The following MID2 variants were observed in gnomAD, a reference collection of about 807,000 sequenced individuals.
The protein encoded by MID2 is midline 2.
Under a neutral mutation model 46.1 loss-of-function variants are expected in MID2, and 13 were observed. The ratio of observed to expected loss-of-function variants is 0.28; its 90% confidence interval spans 0.18 to 0.45. The LOEUF (loss-of-function observed/expected upper bound fraction) is 0.45. MID2 is among the 20% of genes least tolerant of loss of function. The pLI, the probability that MID2 is intolerant of heterozygous loss-of-function variation, is 1.00. For missense variants in MID2, 431 were observed against 575.4 expected (o/e 0.75, Z 2.57); for synonymous variants, 199 against 212.3 (o/e 0.94, Z 0.55).
At chrX:107,839,636 C>G (rs1472267229) in intron 1 of MID2, among the ~76,000 whole-genome samples, 1 of 112,045 alleles carries the variant, frequency 8.9e-6, no homozygotes, top group Non-Finnish European at 1.9e-5. Flanking sequence ...TCCCAAAGTG[C>G]TGGGATTACA....
Position 107,885,892 on chromosome X carries a change from A to AT in MID2, c.817-18065dup, listed in dbSNP as rs1443536821. 7.2e-5 allele frequency among the ~76,000 whole-genome samples: 8 copies of AT among 111,715 alleles called. No homozygotes were observed. In the Admixed American group the frequency reaches 7.5e-4, roughly 11 times the overall value. On this transcript the variant is annotated intron_variant, in intron 3 of 9. Coordinates refer to ENST00000262843, the MANE Select transcript of MID2 (RefSeq NM_012216.4). ...GGCCAGTGATGATGAGCATTTTTTC[A>AT]TGTGTCTTTTGGCTGCATAAATGTC...
At chrX:107,842,882 G>A (rs1931380267) in intron 2 of MID2, among the ~76,000 whole-genome samples, 1 of 111,643 alleles carries the variant, frequency 9.0e-6, no homozygotes, top group East Asian at 2.8e-4. Context: ...GAAGTGACTT[G>A]GTCAAAATCA....
chrX:107,826,373 G>C lies in MID2; in HGVS notation c.-54G>C, dbSNP rs1282900113. On this transcript the variant is annotated 5_prime_UTR_variant, in exon 1 of 10. Coordinates refer to ENST00000262843, the MANE Select transcript of MID2 (RefSeq NM_012216.4). ...GAGCCAACCCGCTGCGGAGGCAGAC[G>C]AGAGCCCAGCGCCCTCGAGCGAGCG... The C allele has an allele frequency of 1.8e-5, 20 of 1,121,856 alleles. No homozygotes were observed. Among genetic ancestry groups the C allele is most frequent in the Non-Finnish European group, 2.1e-5 (18 of 851,570 alleles). The allele number at this position is 1,121,856 out of a possible 1,213,427, so 92.5% of individuals were successfully genotyped here.
intron 5 of MID2, 130 bp from the exon 6 acceptor site, chrX:107,915,872 T>C (rs1286321674): frequency 1.7e-6 from 1 of 589,740 alleles, no homozygotes. Flanking sequence ...AAGGCAGAGA[T>C]ATGATATTTT....
chrX:107,931,351 G>A lies in MID2; in HGVS notation c.*4278G>A, dbSNP rs760571683. ...GTGTTACAGGTTGGCCAAACTGATTGCCATCAGGTCAGACAAAACTGCCTT... is the reference window on the plus strand; with the variant it reads ...GTGTTACAGGTTGGCCAAACTGATTACCATCAGGTCAGACAAAACTGCCTT... On this transcript the variant is annotated 3_prime_UTR_variant, in exon 10 of 10. Transcript: ENST00000262843. Among the ~76,000 whole-genome samples, 7 of 112,268 alleles carry A rather than the reference G, an allele frequency of 6.2e-5. No individual in the cohort carries two copies. Among genetic ancestry groups the A allele is most frequent in the Non-Finnish European group, 1.1e-4 (6 of 53,271 alleles).
intron 3 of MID2, among the ~76,000 whole-genome samples, chrX:107,884,099 A>G (rs1157435436): frequency 8.9e-6 from 1 of 112,475 alleles, no homozygotes; most frequent in Non-Finnish European, 1.9e-5. Flanking sequence ...CTACATACAT[A>G]TACACAAGTT....
intron 3 of MID2, among the ~76,000 whole-genome samples, chrX:107,877,795 G>A (rs992373251): frequency 2.7e-5 from 3 of 111,473 alleles, no homozygotes; most frequent in African/African-American, 9.8e-5. Flanking sequence ...GGATTCTTCA[G>A]ATCTGGTTTT....
intron 7 of MID2, among the ~76,000 whole-genome samples, chrX:107,919,065 A>G (rs1035145205): frequency 9.1e-6 from 1 of 110,321 alleles, no homozygotes; most frequent in Non-Finnish European, 1.9e-5. Context: ...ATTTCCAGTG[A>G]TAGGTACCTC....
At chrX:107,830,957 C>T (rs749406900) in intron 1 of MID2, among the ~76,000 whole-genome samples, 1 of 111,155 alleles carries the variant, frequency 9.0e-6, no homozygotes, top group Non-Finnish European at 1.9e-5. Flanking sequence ...TTCTTTATGA[C>T]CATAGGCAGA....
rs1346685569 is a variant in MID2 at position 107,927,310 on chromosome X, G to C, written c.*237G>C. 5 of 296,037 alleles carry C rather than the reference G, an allele frequency of 1.7e-5. No individual in the cohort carries two copies. The highest frequency in any genetic ancestry group is 2.8e-5 in the African/African-American group (1 of 36,342). 24.4% of individuals were successfully genotyped at this position (296,037 alleles called of 1,213,427 possible). ...GTTCAAGCCATTGGAGAAAAATTTAGAAAATGCCTCTGTTGTCATTGGAGA... is the reference window on the plus strand; with the variant it reads ...GTTCAAGCCATTGGAGAAAAATTTACAAAATGCCTCTGTTGTCATTGGAGA... On this transcript the variant is annotated 3_prime_UTR_variant, in exon 10 of 10. Transcript: ENST00000262843.
At chrX:107,894,989 T>G (rs1422501831) in intron 3 of MID2, 1 of 109,713 alleles carries the variant, frequency 9.1e-6, no homozygotes, top group Non-Finnish European at 1.9e-5. Flanking sequence ...TTCTAGAGAG[T>G]TTTCTTTCTT....
chrX:107,904,512 A>G (rs760499180), intron 4 of MID2, among the ~76,000 whole-genome samples: 10 of 111,224 alleles, frequency 9.0e-5, no homozygotes, highest in African/African-American at 3.3e-4. Context: ...AGAGGTATGC[A>G]GGGTAGATCA....
In MID2 at chrX:107,930,402, T is replaced by C. The variant is rs1933262453; in HGVS notation, c.*3329T>C. Among the ~76,000 whole-genome samples, 1 of 112,073 alleles carries C rather than the reference T, an allele frequency of 8.9e-6. No individual in the cohort carries two copies. The highest frequency in any genetic ancestry group is 3.2e-5 in the African/African-American group (1 of 30,889). On this transcript the variant is annotated 3_prime_UTR_variant, in exon 10 of 10. Coordinates refer to ENST00000262843, the MANE Select transcript of MID2 (RefSeq NM_012216.4). ...AATGTCTTTGGAGCATATGGCACCA[T>C]TGTTTTCAGTAACATTTCAGTCTTG...
intron 5 of MID2, among the ~76,000 whole-genome samples, chrX:107,914,028 G>GA (rs1273476511): frequency 3.6e-5 from 4 of 112,218 alleles, no homozygotes; most frequent in Non-Finnish European, 7.5e-5. Flanking sequence ...GGTCATTGGT[G>GA]AAAATCGACT....
intron 3 of MID2, among the ~76,000 whole-genome samples, chrX:107,863,048 G>C (rs1350573584): frequency 8.9e-6 from 1 of 112,021 alleles, no homozygotes; most frequent in Non-Finnish European, 1.9e-5. Context: ...TATAACGATT[G>C]ACATTTAATA....
intron 1 of MID2, among the ~76,000 whole-genome samples, chrX:107,829,140 T>C (rs928619906): frequency 4.5e-5 from 5 of 112,203 alleles, no homozygotes; most frequent in African/African-American, 1.6e-4. Context: ...AGTCCAAGTG[T>C]TGGGATTACA....
intron 3 of MID2, among the ~76,000 whole-genome samples, chrX:107,893,784 T>C (rs1932654294): frequency 8.9e-6 from 1 of 112,948 alleles, no homozygotes; most frequent in South Asian, 3.6e-4. Context: ...TGATAGTATG[T>C]ACTTTGAAGA....
intron 3 of MID2, among the ~76,000 whole-genome samples, chrX:107,883,893 G>A (rs1932385409): frequency 8.9e-6 from 1 of 112,388 alleles, no homozygotes; most frequent in Non-Finnish European, 1.9e-5. Flanking sequence ...AACTCAGTAA[G>A]AGATCATAGA....
rs763059099 is a variant in MID2, at chrX:107,926,751, G to A, written c.1886G>A (p.Arg629His). 1.5e-5 allele frequency: 18 copies of A among 1,210,824 alleles called. No individual in the cohort carries two copies. The highest frequency in any genetic ancestry group is 1.9e-5 in the Non-Finnish European group (17 of 894,937). The change falls in exon 10 of 10, where the codon CGC becomes CAC. Residue 629 changes from arginine (R) to histidine (H), a missense_variant. Transcript: ENST00000262843. ...AATGCCTCCTCATGGGTCTTCTCTC[G>A]CTGCAATAGTAACTTCGTGGTGAGA... is the stretch of plus-strand genomic sequence containing the variant. ...GKNASSWVFS[R>H]CNSNFVVRHN...
Sources: gnomAD v4.1 joint callset for allele counts (sites outside exome capture counted in the v4.1 genomes callset) on GRCh38, gnomAD v4.1.1 for gene constraint, MANE v1.5 for transcripts, NCBI Gene and HGNC (gene_info 2026-07-23, HGNC 2026-07-21) for gene names.